TSPAN18: variants seen among roughly 807,000 people sequenced by gnomAD.
TSPAN18 encodes tetraspanin-18.
TSPAN18 carries 14 observed loss-of-function variants against 27.3 expected under a neutral mutation model. The ratio of observed to expected loss-of-function variants is 0.51; its 90% CI spans 0.34 to 0.80. The LOEUF is 0.80. Ranked by LOEUF, TSPAN18 falls within the 30% of genes least tolerant of loss-of-function variation. The pLI is 0.01. For missense variants in TSPAN18, 268 were observed against 323.9 expected (o/e 0.83, Z 1.32); for synonymous variants, 143 against 136.5 (o/e 1.05, Z -0.33).
At chr11:44,749,476 C>T (rs1855157855) in intron 1 of TSPAN18, among the ~76,000 whole-genome samples, 1 of 152,236 alleles carries the variant, frequency 6.6e-6, no homozygotes, top group African/African-American at 2.4e-5. Context: ...TCCCAAGTGA[C>T]ATTGCACAAG....
intron 3 of TSPAN18, among the ~76,000 whole-genome samples, chr11:44,879,175 C>A (rs766738291): frequency 6.6e-6 from 1 of 152,180 alleles, no homozygotes; most frequent in Non-Finnish European, 1.5e-5. Context: ...TGGTGCTGCA[C>A]GTTTCAGCAG....
At chr11:44,823,710 G>T (rs766692383) in intron 2 of TSPAN18, among the ~76,000 whole-genome samples, 1 of 152,086 alleles carries the variant, frequency 6.6e-6, no homozygotes, top group African/African-American at 2.4e-5. Flanking sequence ...AGGTTTCACC[G>T]GGGACCTGCC....
At chr11:44,818,448 G>A (rs1431605811) in intron 2 of TSPAN18, among the ~76,000 whole-genome samples, 1 of 152,210 alleles carries the variant, frequency 6.6e-6, no homozygotes, top group African/African-American at 2.4e-5. Context: ...ATCAGCAGGG[G>A]CCCGATCCTG....
intron 1 of TSPAN18, among the ~76,000 whole-genome samples, chr11:44,748,415 A>G (rs76219165): frequency 6.6e-6 from 1 of 152,064 alleles, no homozygotes; most frequent in Admixed American, 6.5e-5. Flanking sequence ...AAAAAAAAAA[A>G]AGAGACCATC....
chr11:44,727,136 C>T lies in TSPAN18; in HGVS notation c.-391C>T, dbSNP rs1854533598. 1.3e-5 allele frequency: 2 copies of T among 148,338 alleles called. No individual in the cohort carries two copies. The highest frequency in any genetic ancestry group is 3.9e-4 in the East Asian group (2 of 5,078). The allele number at this position is 148,338 out of a possible 1,614,324, so 9.2% of individuals were successfully genotyped here. Reference sequence around the variant, plus strand: ...CCGGCCCCGAGCCCCGAGCGAGCGCCGCCGCCTCGCGCTGCGGGTCCCCGG... The same window carrying T: ...CCGGCCCCGAGCCCCGAGCGAGCGCTGCCGCCTCGCGCTGCGGGTCCCCGG... On this transcript the variant is annotated 5_prime_UTR_variant, in exon 1 of 10. Transcript: ENST00000520358.
intron 2 of TSPAN18, among the ~76,000 whole-genome samples, chr11:44,818,150 T>C (rs1856851124): frequency 6.6e-6 from 1 of 152,268 alleles, no homozygotes; most frequent in East Asian, 1.9e-4. Context: ...CAAGTCAGGA[T>C]ATCCCACTTT....
At chr11:44,809,538 A>G (rs1294900111) in intron 2 of TSPAN18, among the ~76,000 whole-genome samples, 2 of 152,220 alleles carry the variant, frequency 1.3e-5, no homozygotes, top group Non-Finnish European at 2.9e-5. Flanking sequence ...CTGTCAGGAC[A>G]TGGGCCCGAA....
At chr11:44,763,910 A>T (rs887271514) in intron 1 of TSPAN18, among the ~76,000 whole-genome samples, 1 of 152,108 alleles carries the variant, frequency 6.6e-6, no homozygotes, top group Non-Finnish European at 1.5e-5. Flanking sequence ...TTTATATATA[A>T]AAAAAGATTT....
At chr11:44,905,270 A>G (rs1859412759) in intron 3 of TSPAN18, among the ~76,000 whole-genome samples, 1 of 152,272 alleles carries the variant, frequency 6.6e-6, no homozygotes, top group Middle Eastern at 3.4e-3. Flanking sequence ...GTAATCAGAC[A>G]CCATCTCCCC....
At chr11:44,871,797 G>A (rs1858203373) in intron 3 of TSPAN18, among the ~76,000 whole-genome samples, 1 of 152,186 alleles carries the variant, frequency 6.6e-6, no homozygotes, top group Non-Finnish European at 1.5e-5. Context: ...CTGCCTCAGG[G>A]ATGCCCAGCC....
chr11:44,734,782 C>G (rs555454479), intron 1 of TSPAN18, among the ~76,000 whole-genome samples: 4 of 152,226 alleles, frequency 2.6e-5, no homozygotes, highest in African/African-American at 4.8e-5. Context: ...GAGGCTCCCC[C>G]ACCCCACCCT....
chr11:44,839,926 C>T (rs1236814193), intron 2 of TSPAN18, among the ~76,000 whole-genome samples: 1 of 152,176 alleles, frequency 6.6e-6, no homozygotes, highest in Non-Finnish European at 1.5e-5. Flanking sequence ...CAGAAATAAT[C>T]CTAGATGCCA....
chr11:44,909,485 G>T, intron 4 of TSPAN18: 1 of 540,558 alleles, frequency 1.8e-6, no homozygotes, highest in Non-Finnish European at 3.3e-6. Context: ...GGATTTAGAG[G>T]ATGCGTGTTG....
chr11:44,740,923 G>A (rs916313453), intron 1 of TSPAN18, among the ~76,000 whole-genome samples: 6 of 152,114 alleles, frequency 3.9e-5, no homozygotes, highest in African/African-American at 9.7e-5. Context: ...GACTATAAAC[G>A]TGCACCACCA....
chr11:44,878,412 G>C (rs1254343649), intron 3 of TSPAN18, among the ~76,000 whole-genome samples: 1 of 152,168 alleles, frequency 6.6e-6, no homozygotes, highest in Non-Finnish European at 1.5e-5. Context: ...CTCTGGGTCT[G>C]GGGCCAGCCC....
chr11:44,871,784 C>T (rs892775160), intron 3 of TSPAN18, among the ~76,000 whole-genome samples: 3 of 152,236 alleles, frequency 2.0e-5, no homozygotes, highest in South Asian at 2.1e-4. Context: ...CATGCCTGCA[C>T]ACCTGCCTCA....
intron 1 of TSPAN18, among the ~76,000 whole-genome samples, chr11:44,749,241 C>G (rs1407022864): frequency 6.6e-6 from 1 of 152,248 alleles, no homozygotes; most frequent in Non-Finnish European, 1.5e-5. Context: ...GTCTCTTATC[C>G]TCTGATGCTC....
Position 44,895,950 on chromosome 11 carries a change from G to A in TSPAN18, c.-10-10457G>A, listed in dbSNP as rs181384200. ...AGCTGGAAACAGCTTGAAATCTCCCGAGGATGCTTGGCCTTGTCACTGGCA... is the reference window on the plus strand; with the variant it reads ...AGCTGGAAACAGCTTGAAATCTCCCAAGGATGCTTGGCCTTGTCACTGGCA... On this transcript the variant is annotated intron_variant, in intron 3 of 9. Coordinates refer to ENST00000520358, the MANE Select transcript of TSPAN18 (RefSeq NM_130783.5). Among the ~76,000 whole-genome samples the A allele has an allele frequency of 1.1e-4, 17 of 152,256 alleles. No individual in the cohort carries two copies. In the East Asian group the frequency reaches 1.7e-3, roughly 16 times the overall value.
At chr11:44,855,295 G>T (rs1565178785) in intron 2 of TSPAN18, among the ~76,000 whole-genome samples, 1 of 152,034 alleles carries the variant, frequency 6.6e-6, no homozygotes, top group African/African-American at 2.4e-5. Context: ...GTCATCTCAG[G>T]TTTATTTGCT....
Sources: gnomAD v4.1 joint callset for allele counts (sites outside exome capture counted in the v4.1 genomes callset) on GRCh38, gnomAD v4.1.1 for gene constraint, MANE v1.5 for transcripts, NCBI Gene and HGNC (gene_info 2026-07-23, HGNC 2026-07-21) for gene names.